TRIM2: variants seen among roughly 807,000 people sequenced by gnomAD.
The protein encoded by TRIM2 is tripartite motif-containing protein 2.
TRIM2 carries 20 observed loss-of-function variants against 75.2 expected under a neutral mutation model. The ratio of observed to expected loss-of-function variants is 0.27; its 90% confidence interval spans 0.19 to 0.39. The LOEUF (loss-of-function observed/expected upper bound fraction) is 0.39, where lower values mean the gene tolerates loss of function less well. Ranked by LOEUF, TRIM2 falls within the 10% of genes least tolerant of loss-of-function variation. The pLI, the probability that TRIM2 is intolerant of heterozygous loss-of-function variation, is 1.00. For synonymous variants in TRIM2, 373 were observed against 388.3 expected (o/e 0.96, Z 0.46); for missense variants, 660 against 990.8 (o/e 0.67, Z 4.48).
chr4:153,338,951 G>A lies in TRIM2; in HGVS notation c.*3985G>A. On this transcript the variant is annotated 3_prime_UTR_variant, in exon 12 of 12. Transcript: ENST00000338700. ...TTCAAGCCTATGTATGAATATGAAG[G>A]GGTTTTTTTTTTTTGCTTTGTTTTC... The A allele has an allele frequency of 1.0e-6, 1 of 961,820 alleles. No homozygotes were observed. Among genetic ancestry groups the A allele is most frequent in the Non-Finnish European group, 1.2e-6 (1 of 824,668 alleles). 59.6% of individuals were successfully genotyped at this position (961,820 alleles called of 1,614,324 possible).
Position 153,167,960 on chromosome 4 carries a change from A to T in TRIM2, c.-49+14690A>T, listed in dbSNP as rs779778845. Among the ~76,000 whole-genome samples, 3 of 152,366 alleles carry T rather than the reference A, an allele frequency of 2.0e-5. No homozygotes were observed. In the East Asian group the frequency reaches 5.8e-4, roughly 29 times the overall value. ...GTAAAACACATAAGTGTTGGATAAC[A>T]TGAAATATAAAAACATGTACTTTAT... On this transcript the variant is annotated intron_variant, in intron 1 of 11. Transcript: ENST00000437508.
chr4:153,298,834 G>T (rs1763275977), intron 6 of TRIM2, among the ~76,000 whole-genome samples: 1 of 152,050 alleles, frequency 6.6e-6, no homozygotes. Flanking sequence ...CCTGGGCTCA[G>T]GTGATCCTCC....
intron 2 of TRIM2, among the ~76,000 whole-genome samples, chr4:153,273,338 C>T (rs1331055666): frequency 3.6e-5 from 5 of 138,464 alleles, no homozygotes; most frequent in Admixed American, 3.0e-4. Flanking sequence ...TGCCGTGGCG[C>T]GATCTCGGCT....
In TRIM2 at chr4:153,321,033, A is replaced by G. The variant is rs567964316; in HGVS notation, c.1783-1615A>G. ...TCTTATAGTTTCCCTGACTTAACATACATTCCTTCCTGCTGTTTCCTCACC... is the reference window on the plus strand; with the variant it reads ...TCTTATAGTTTCCCTGACTTAACATGCATTCCTTCCTGCTGTTTCCTCACC... On this transcript the variant is annotated intron_variant, in intron 8 of 11. Coordinates refer to ENST00000338700, the MANE Select transcript of TRIM2 (RefSeq NM_015271.5). Among the ~76,000 whole-genome samples, 8 of 152,290 alleles carry G rather than the reference A, an allele frequency of 5.3e-5. No homozygotes were observed. The South Asian group carries it at 1.7e-3, about 32-fold the overall frequency.
rs1212847937 is a variant in TRIM2, at chr4:153,337,403, A to G, written c.*2437A>G. 2.0e-6 allele frequency: 2 copies of G among 985,734 alleles called. No homozygotes were observed. Among genetic ancestry groups the G allele is most frequent in the East Asian group, 1.1e-4 (1 of 8,824 alleles). 61.1% of individuals were successfully genotyped at this position (985,734 alleles called of 1,614,324 possible). On this transcript the variant is annotated 3_prime_UTR_variant, in exon 12 of 12. Coordinates refer to ENST00000338700, the MANE Select transcript of TRIM2 (RefSeq NM_015271.5). The stretch of plus-strand genomic sequence containing the variant: ...TGAATACAAAGCTAATTTTTTTTAC[A>G]TGTCAATATTGGCACAAACTGGAAT...
chr4:153,295,399 T>C lies in TRIM2; in HGVS notation c.873T>C (p.His291=). ...ACTTCACAGCGCAGGCCCTCAACCA[T>C]GGCACGGAGACCGAGGTCCTACTGG... ...CSNFTAQALN[H]GTETEVLLVK... is the part of the protein sequence containing the mutation. Residue 291 remains histidine (H), a synonymous_variant, in exon 6 of 12, where the codon CAT becomes CAC. Transcript: ENST00000338700. The surrounding 1 kb of genome is among the most constrained non-coding windows in gnomAD (Gnocchi z 7.2). 2 of 1,614,124 alleles carry C rather than the reference T, an allele frequency of 1.2e-6. No homozygotes were observed. The highest frequency in any genetic ancestry group is 1.1e-5 in the South Asian group (1 of 91,064).
At chr4:153,239,832 C>CTTTTTTTTTTTT (rs142457664) in intron 1 of TRIM2, among the ~76,000 whole-genome samples, 20 of 139,428 alleles carry the variant, frequency 1.4e-4, no homozygotes, top group Non-Finnish European at 1.6e-4. Context: ...AACTTTCTTT[C>CTTTTTTTTTTTT]TCTTTTTTTT....
intron 1 of TRIM2, among the ~76,000 whole-genome samples, chr4:153,183,803 A>G (rs1407681582): frequency 6.6e-6 from 1 of 151,982 alleles, no homozygotes; most frequent in Admixed American, 6.5e-5. Context: ...GCTAGACCAC[A>G]CTGAACAGAG....
chr4:153,249,378 T>C (rs543691005), intron 1 of TRIM2, among the ~76,000 whole-genome samples: 1 of 152,180 alleles, frequency 6.6e-6, no homozygotes, highest in Non-Finnish European at 1.5e-5. Flanking sequence ...CCGCCTGGCA[T>C]GCGTGGCCGG....
intron 1 of TRIM2, among the ~76,000 whole-genome samples, chr4:153,246,407 A>G (rs755550953): frequency 1.1e-4 from 16 of 152,224 alleles, no homozygotes; most frequent in Admixed American, 2.0e-4. Context: ...GAACACCAAC[A>G]TGCCTGTATT....
At chr4:153,297,990 A>G (rs943470038) in intron 6 of TRIM2, among the ~76,000 whole-genome samples, 20 of 152,146 alleles carry the variant, frequency 1.3e-4, no homozygotes, top group African/African-American at 3.9e-4. Context: ...CACCTCTGAT[A>G]CCCACTTGAG....
intron 11 of TRIM2, among the ~76,000 whole-genome samples, chr4:153,333,667 C>T (rs1469039539): frequency 6.6e-6 from 1 of 152,076 alleles, no homozygotes; most frequent in South Asian, 2.1e-4. Context: ...CCCCCCGTAC[C>T]CCCAAATCTC....
chr4:153,285,265 G>C (rs746320196), intron 3 of TRIM2, among the ~76,000 whole-genome samples: 23 of 152,110 alleles, frequency 1.5e-4, no homozygotes, highest in Non-Finnish European at 2.8e-4. Flanking sequence ...GCTTCTTTCT[G>C]TACTTTCCAT....
At chr4:153,326,614 C>A (rs889289415) in intron 10 of TRIM2, among the ~76,000 whole-genome samples, 1 of 152,184 alleles carries the variant, frequency 6.6e-6, no homozygotes, top group Admixed American at 6.5e-5. Flanking sequence ...GATTTGGCAT[C>A]CTTCATTATC....
At chr4:153,310,890 A>G (rs1438911223) in intron 6 of TRIM2, among the ~76,000 whole-genome samples, 1 of 152,244 alleles carries the variant, frequency 6.6e-6, no homozygotes, top group Non-Finnish European at 1.5e-5. Flanking sequence ...CATGTGGGCA[A>G]CAGACTTGAG....
rs1769611492 is a variant in TRIM2 at position 153,324,159 on chromosome 4, C to T, written c.2022+11C>T. 5 of 1,605,636 alleles carry T rather than the reference C, an allele frequency of 3.1e-6. No homozygotes were observed. The highest frequency in any genetic ancestry group is 4.3e-6 in the Non-Finnish European group (5 of 1,176,422). On this transcript the variant is annotated intron_variant, in intron 10 of 11. Transcript: ENST00000338700. Reference sequence around the variant, plus strand: ...AATCATTCTGTCAAGGTACTACAAGCACATGAGTTGTTGTTAACTTTTAAC... The same window carrying T: ...AATCATTCTGTCAAGGTACTACAAGTACATGAGTTGTTGTTAACTTTTAAC...
chr4:153,191,168 T>C (rs1046603827), intron 1 of TRIM2, among the ~76,000 whole-genome samples: 1 of 152,246 alleles, frequency 6.6e-6, no homozygotes, highest in Admixed American at 6.5e-5. Context: ...CCTCCTATCT[T>C]ATGGAGTCAA....
intron 3 of TRIM2, among the ~76,000 whole-genome samples, chr4:153,289,831 G>A (rs1761465684): frequency 6.6e-6 from 1 of 152,140 alleles, no homozygotes; most frequent in African/African-American, 2.4e-5. Flanking sequence ...GAGTGCCATT[G>A]GATTGACTAA....
At chr4:153,291,080 T>C (rs1182556975) in intron 3 of TRIM2, among the ~76,000 whole-genome samples, 1 of 152,084 alleles carries the variant, frequency 6.6e-6, no homozygotes, top group African/African-American at 2.4e-5. Context: ...AAAAAAAGTG[T>C]CTTTCTAAAC....
Sources: gnomAD v4.1 joint callset for allele counts (sites outside exome capture counted in the v4.1 genomes callset) on GRCh38, gnomAD v4.1.1 for gene constraint, Gnocchi (gnomAD v3.1) non-coding constraint, MANE v1.5 for transcripts, NCBI Gene and HGNC (gene_info 2026-07-23, HGNC 2026-07-21) for gene names.